Variants in PTPN13 observed in about 807,000 individuals in gnomAD.
PTPN13 encodes the protein tyrosine-protein phosphatase non-receptor type 13.
In PTPN13, 191 loss-of-function variants were observed where a neutral mutation model predicts 284.0. That is an observed-to-expected ratio of 0.67 (90% CI 0.60 to 0.76). PTPN13 has a LOEUF of 0.76. Among genes scored for constraint, PTPN13 ranks in the 30% least tolerant of loss-of-function variants. The probability of loss-of-function intolerance (pLI) is 0.00; values close to 1 mark genes in which losing one functional copy is unlikely to be tolerated. For missense variants in PTPN13, 2,797 were observed against 2,939.9 expected, an observed-to-expected ratio of 0.95 and a Z score of 1.12; for synonymous variants, 986 against 1,022.3, an observed-to-expected ratio of 0.96 and a Z score of 0.68.
chr4:86,713,800 C>T (rs1485930005), intron 7 of PTPN13, among the ~76,000 whole-genome samples: 2 of 152,098 alleles, frequency 1.3e-5, no homozygotes, highest in Non-Finnish European at 2.9e-5. Flanking sequence ...CGTGAACTCT[C>T]AATTTCCAGT....
chr4:86,814,100 T>C (rs1390945326), intron 47 of PTPN13, among the ~76,000 whole-genome samples: 1 of 145,432 alleles, frequency 6.9e-6, no homozygotes, highest in African/African-American at 2.6e-5. Flanking sequence ...CTCCGCCTCC[T>C]GTGTCAAGCG....
chr4:86,780,008 C>T (rs1303491053), intron 35 of PTPN13, among the ~76,000 whole-genome samples: 1 of 152,016 alleles, frequency 6.6e-6, no homozygotes, highest in Non-Finnish European at 1.5e-5. Flanking sequence ...TGAATATTAG[C>T]AGTGTTTTAA....
At chr4:86,803,557 C>T (rs1744299214) in intron 42 of PTPN13, among the ~76,000 whole-genome samples, 152 bp from the exon 43 acceptor site, 1 of 152,188 alleles carries the variant, frequency 6.6e-6, no homozygotes, top group African/African-American at 2.4e-5. Flanking sequence ...TACAGAACTG[C>T]ACTCCATCGT....
intron 1 of PTPN13, among the ~76,000 whole-genome samples, chr4:86,606,658 A>G (rs965891751): frequency 6.6e-6 from 1 of 151,894 alleles, no homozygotes; most frequent in Non-Finnish European, 1.5e-5. Flanking sequence ...CGTACCGTCA[A>G]GTGCAATGCA....
intron 45 of PTPN13, among the ~76,000 whole-genome samples, 162 bp from the exon 46 acceptor site, chr4:86,809,607 C>T (rs1475016754): frequency 1.3e-5 from 2 of 152,118 alleles, no homozygotes; most frequent in African/African-American, 4.8e-5. Context: ...AGGAGAATCG[C>T]TTGAACCTGG....
chr4:86,722,072 G>A (rs1733731026), intron 9 of PTPN13, 140 bp from the exon 10 acceptor site: 1 of 693,480 alleles, frequency 1.4e-6, no homozygotes. Context: ...ACCATACTGT[G>A]TAATGTAAAG....
chr4:86,802,146 AGTGTGTGT>A (rs55759778), intron 42 of PTPN13, among the ~76,000 whole-genome samples: 6 of 135,102 alleles, frequency 4.4e-5, no homozygotes, highest in African/African-American at 1.3e-4. Flanking sequence ...TCAAGATTTT[AGTGTGTGT>A]GTGTGTGTGT....
intron 3 of PTPN13, among the ~76,000 whole-genome samples, chr4:86,683,150 CGTGT>C (rs59436322): frequency 1.4e-5 from 2 of 147,756 alleles, no homozygotes; most frequent in Non-Finnish European, 3.0e-5. Context: ...AGGGTGTGTG[CGTGT>C]GTGTGTGTGT....
chr4:86,737,890 G>A (rs1735712625), intron 15 of PTPN13, among the ~76,000 whole-genome samples: 1 of 151,894 alleles, frequency 6.6e-6, no homozygotes, highest in African/African-American at 2.4e-5. Context: ...CACCACGCCT[G>A]GCTAATTTTT....
At chr4:86,735,835 G>T in intron 15 of PTPN13, 89 bp downstream of exon 15, 1 of 1,154,058 alleles carries the variant, frequency 8.7e-7, no homozygotes. Flanking sequence ...GAGTTCAAGT[G>T]CCAGTAACTG....
chr4:86,737,845 C>T (rs1163009626), intron 15 of PTPN13, among the ~76,000 whole-genome samples: 2 of 152,130 alleles, frequency 1.3e-5, no homozygotes, highest in African/African-American at 4.8e-5. Context: ...TCTCCTGCCT[C>T]AGCCTCTCAA....
chr4:86,700,734 C>G (rs1388965122), intron 6 of PTPN13, among the ~76,000 whole-genome samples: 1 of 152,110 alleles, frequency 6.6e-6, no homozygotes. Flanking sequence ...ATTCGAAATG[C>G]TACAATCCTA....
intron 10 of PTPN13, among the ~76,000 whole-genome samples, chr4:86,727,108 A>T (rs1393062106): frequency 6.7e-6 from 1 of 149,578 alleles, no homozygotes; most frequent in Non-Finnish European, 1.5e-5. Flanking sequence ...TATGTGTTGA[A>T]TTACATTTAT....
Position 86,731,623 on chromosome 4 carries a change from A to AT in PTPN13, c.1609-770dup, listed in dbSNP as rs147873989. 3.9e-3 allele frequency among the ~76,000 whole-genome samples: 600 copies of AT among 152,116 alleles called. 10 individuals carry two copies. The highest frequency in any genetic ancestry group is 0.014 in the African/African-American group (568 of 41,506). On this transcript the variant is annotated intron_variant, in intron 10 of 47. Transcript: ENST00000411767. ...AGTAGATGTCTTTTAACTATGACCAATTTTTTTGTTTTTGTCTGTTTGCTT... is the reference window on the plus strand; with the variant it reads ...AGTAGATGTCTTTTAACTATGACCAATTTTTTTTGTTTTTGTCTGTTTGCTT...
In PTPN13 at chr4:86,658,699, C is replaced by T. The variant is rs1726131323; in HGVS notation, c.116-13666C>T. 5.3e-5 allele frequency among the ~76,000 whole-genome samples: 8 copies of T among 151,928 alleles called. No homozygotes were observed. In the South Asian group the frequency reaches 1.7e-3, roughly 32 times the overall value. On this transcript the variant is annotated intron_variant, in intron 2 of 47. Coordinates refer to ENST00000411767, the MANE Select transcript of PTPN13 (RefSeq NM_080683.3). ...ATACCTCTGAGTTCCAGAAGGAAAA[C>T]CAAGAGGATAGGAAACAGAACAATT...
chr4:86,594,534 G>T lies in PTPN13; in HGVS notation c.-261G>T, dbSNP rs1336350406. On this transcript the variant is annotated 5_prime_UTR_variant, in exon 1 of 48. Coordinates refer to ENST00000411767, the MANE Select transcript of PTPN13 (RefSeq NM_080683.3). Reference sequence around the variant, plus strand: ...GCGGCGGGGGTGCGTTGAGCGCTCGGGGGTCAGGCAGTCGGCCGGGATCGC... The same window carrying T: ...GCGGCGGGGGTGCGTTGAGCGCTCGTGGGTCAGGCAGTCGGCCGGGATCGC... 2.6e-5 allele frequency: 4 copies of T among 152,690 alleles called. No individual in the cohort carries two copies. Among genetic ancestry groups the T allele is most frequent in the Admixed American group, 1.3e-4 (2 of 15,294 alleles). The allele number at this position is 152,690 out of a possible 1,614,324, so 9.5% of individuals were successfully genotyped here.
chr4:86,731,558 A>G (rs1734959239), intron 10 of PTPN13, among the ~76,000 whole-genome samples: 1 of 152,208 alleles, frequency 6.6e-6, no homozygotes, highest in South Asian at 2.1e-4. Flanking sequence ...ATAGGGTTCC[A>G]AGATAGTGAT....
intron 6 of PTPN13, among the ~76,000 whole-genome samples, chr4:86,696,190 A>G (rs1730577442): frequency 6.6e-6 from 1 of 151,996 alleles, no homozygotes. Context: ...TTTGTTTCAT[A>G]AAGGACATTC....
chr4:86,737,118 G>A lies in PTPN13; in HGVS notation c.2304+1372G>A, dbSNP rs114078873. ...TGGGCATAGTTAGGGATGCATGCCT[G>A]TAATCCCAGCTGGTTGGGAGGCTGA... On this transcript the variant is annotated intron_variant, in intron 15 of 47. Coordinates refer to ENST00000411767, the MANE Select transcript of PTPN13 (RefSeq NM_080683.3). Among the ~76,000 whole-genome samples, 759 of 152,178 alleles carry A rather than the reference G, an allele frequency of 5.0e-3. 2 individuals are homozygous for A. Among genetic ancestry groups the A allele is most frequent in the South Asian group, 0.028 (136 of 4,826 alleles).
Sources: gnomAD v4.1 joint callset for allele counts (sites outside exome capture counted in the v4.1 genomes callset) on GRCh38, gnomAD v4.1.1 for gene constraint, MANE v1.5 for transcripts, NCBI Gene and HGNC (gene_info 2026-07-23, HGNC 2026-07-21) for gene names.